The following CFI variants were observed in gnomAD, a reference collection of about 807,000 sequenced individuals.
The protein encoded by CFI is C3B/C4B inactivator.
Under a neutral mutation model 78.8 loss-of-function variants are expected in CFI, and 66 were observed. The ratio of observed to expected loss-of-function variants is 0.84; its 90% CI spans 0.69 to 1.03. CFI has a LOEUF of 1.03. Among genes scored for constraint, CFI ranks in the 50% least tolerant of loss-of-function variants. The pLI, the probability that CFI is intolerant of heterozygous loss-of-function variation, is 0.00. For synonymous variants in CFI, 250 were observed against 232.6 expected (o/e 1.07, Z -0.68); for missense variants, 706 against 704.5 (o/e 1.00, Z -0.02).
intron 1 of CFI, among the ~76,000 whole-genome samples, chr4:109,797,060 A>G (rs537974966): frequency 7.9e-5 from 12 of 152,382 alleles, no homozygotes; most frequent in African/African-American, 2.9e-4. Flanking sequence ...TTTTTACAGA[A>G]ATAGAAAATA....
chr4:109,731,591 T>C, the CFI span, among the ~76,000 whole-genome samples: 1 of 152,174 alleles, frequency 6.6e-6, no homozygotes, highest in South Asian at 2.1e-4. Flanking sequence ...TTGGGCAAGT[T>C]AGAAACATAG....
chr4:109,741,245 G>A (rs1169975842), intron 12 of CFI, 135 bp from the exon 13 acceptor site: 4 of 1,506,802 alleles, frequency 2.7e-6, no homozygotes, highest in Non-Finnish European at 3.5e-6. Context: ...TCTCCTTAGA[G>A]TCCCTGGCTG....
chr4:109,738,267 A>AC (rs1363379080), downstream of CFI, among the ~76,000 whole-genome samples: 1 of 151,834 alleles, frequency 6.6e-6, no homozygotes, highest in Non-Finnish European at 1.5e-5. Flanking sequence ...GATGTGCACC[A>AC]CCACTCCCAG....
chr4:109,743,742 C>T (rs1303463745), intron 11 of CFI, among the ~76,000 whole-genome samples: 1 of 152,122 alleles, frequency 6.6e-6, no homozygotes, highest in Non-Finnish European at 1.5e-5. Flanking sequence ...CACAGTGGCT[C>T]ATCCCAGGAC....
intron 6 of CFI, among the ~76,000 whole-genome samples, chr4:109,758,646 A>G (rs1726624024): frequency 6.6e-6 from 1 of 152,224 alleles, no homozygotes; most frequent in Admixed American, 6.5e-5. Context: ...AACAATTTAA[A>G]AGGCTGCTAA....
intron 1 of CFI, among the ~76,000 whole-genome samples, chr4:109,788,137 A>G (rs12506161): frequency 0.42 from 64,323 of 151,852 alleles, 14,685 homozygotes; most frequent in African/African-American, 0.57. Flanking sequence ...GCAGTTAGAT[A>G]GTTTCTAATG....
intron 10 of CFI, among the ~76,000 whole-genome samples, chr4:109,748,638 G>A (rs1405258875): frequency 6.6e-6 from 1 of 152,212 alleles, no homozygotes; most frequent in African/African-American, 2.4e-5. Flanking sequence ...TTGCAGGAGG[G>A]GGCAAATGCA....
chr4:109,731,100 C>A, the CFI span, among the ~76,000 whole-genome samples: 2 of 152,134 alleles, frequency 1.3e-5, no homozygotes. Context: ...CGCCTGTAAT[C>A]CCAGCACCTT....
At chr4:109,750,027 C>T (rs531392665) in intron 8 of CFI, among the ~76,000 whole-genome samples, 34 of 151,986 alleles carry the variant, frequency 2.2e-4, no homozygotes, top group African/African-American at 6.3e-4. Context: ...GATGGAGTCT[C>T]AGTCTTGTGC....
chr4:109,746,082 G>T, intron 11 of CFI, 140 bp downstream of exon 11: 2 of 1,022,398 alleles, frequency 2.0e-6, no homozygotes, highest in Non-Finnish European at 2.9e-6. Context: ...AACCCATGAA[G>T]CCAGCCATGG....
Position 109,752,617 on chromosome 4 carries a change from T to A in CFI, c.905-114A>T. Reference sequence around the variant, plus strand: ...TTTCTGCCTTAAAACTTATCCTCCCTTTTATAAAGAACTGTACAAAATCCC... The same window carrying A: ...TTTCTGCCTTAAAACTTATCCTCCCATTTATAAAGAACTGTACAAAATCCC... On this transcript the variant is annotated intron_variant, in intron 7 of 12. Coordinates refer to ENST00000394634, the MANE Select transcript of CFI (RefSeq NM_000204.5). 5 of 876,748 alleles carry A rather than the reference T, an allele frequency of 5.7e-6. No individual in the cohort carries two copies. The South Asian group carries it at 7.4e-5, about 13-fold the overall frequency. 54.3% of individuals were successfully genotyped at this position (876,748 alleles called of 1,614,324 possible). A position where few individuals can be genotyped will look rare whatever the true frequency, so the allele number is the denominator to read the frequency against.
intron 8 of CFI, among the ~76,000 whole-genome samples, chr4:109,750,987 G>A (rs779254121): frequency 1.3e-5 from 2 of 152,180 alleles, no homozygotes; most frequent in Non-Finnish European, 2.9e-5. Context: ...AAGCCTGTGT[G>A]CCCCTCCCCT....
intron 3 of CFI, chr4:109,764,257 G>C: frequency 4.1e-6 from 2 of 483,920 alleles, no homozygotes; most frequent in Non-Finnish European, 7.5e-6. Context: ...TAGACGAGTA[G>C]GAGACAGACA....
At position 109,742,486 on chromosome 4, in the gene CFI, C is replaced by A. The variant is rs114013791; in HGVS notation, c.1534+5G>T. ...GACATCTTGGATAAACCACTTGGCA[C>A]TTACCTGCACATTCCATTTCTTTTT... On this transcript the variant is annotated splice_donor_5th_base_variant and intron_variant, in intron 12 of 12. Coordinates refer to ENST00000394634, the MANE Select transcript of CFI (RefSeq NM_000204.5). 23,053 of 1,592,940 alleles carry A rather than the reference C, an allele frequency of 0.014. 240 individuals are homozygous for A. Among genetic ancestry groups the A allele is most frequent in the Non-Finnish European group, 0.018 (21,317 of 1,160,706 alleles).
chr4:109,788,298 C>T lies in CFI; in HGVS notation c.57+13617G>A, dbSNP rs190149751. Among the ~76,000 whole-genome samples the T allele has an allele frequency of 5.7e-4, 86 of 152,150 alleles. 1 individual carries two copies. Among genetic ancestry groups the T allele is most frequent in the African/African-American group, 2.0e-3 (84 of 41,520 alleles). ...ATTTTAATATCCAGAAAGATATTGG[C>T]TAATTTTGCTCTACAGAGGTTGTTT... On this transcript the variant is annotated intron_variant, in intron 1 of 12. Transcript: ENST00000394634.
chr4:109,769,591 G>A (rs1728300059), intron 1 of CFI, among the ~76,000 whole-genome samples: 1 of 152,138 alleles, frequency 6.6e-6, no homozygotes, highest in African/African-American at 2.4e-5. Context: ...GGGGTACTAT[G>A]AGGTTCTCTA....
chr4:109,793,456 A>G (rs1357205048), intron 1 of CFI: 6 of 152,248 alleles, frequency 3.9e-5, no homozygotes, highest in Admixed American at 3.9e-4. Context: ...TCTTCATATT[A>G]CTTCAAGTAA....
chr4:109,755,275 T>C (rs185689420), intron 7 of CFI, among the ~76,000 whole-genome samples: 21 of 152,276 alleles, frequency 1.4e-4, no homozygotes, highest in African/African-American at 4.8e-4. Context: ...TTGATGTTGG[T>C]GGGGTTGAAG....
Position 109,763,892 on chromosome 4 carries a change from A to G in CFI, c.482+645T>C, listed in dbSNP as rs539099797. Among the ~76,000 whole-genome samples the G allele has an allele frequency of 2.5e-4, 38 of 151,080 alleles. 1 individual carries two copies. In the Middle Eastern group the frequency reaches 0.014, roughly 56 times the overall value. ...ATATTATAATAAAGAAAACTTCTAA[A>G]TTACATATGGGGCAAAGAAGAAATT... On this transcript the variant is annotated intron_variant, in intron 3 of 12. Coordinates refer to ENST00000394634, the MANE Select transcript of CFI (RefSeq NM_000204.5).
Sources: allele counts gnomAD v4.1 joint callset (sites outside exome capture counted in the v4.1 genomes callset), GRCh38; gene constraint gnomAD v4.1.1; transcripts MANE v1.5; gene names NCBI Gene and HGNC (gene_info 2026-07-23, HGNC 2026-07-21).